The following PCDH7 variants were observed in gnomAD, a reference collection of about 807,000 sequenced individuals.
PCDH7 encodes the protein protocadherin-7.
Under a neutral mutation model 58.9 loss-of-function variants are expected in PCDH7, and 17 were observed. The observed-to-expected ratio is 0.29, with a 90% CI of 0.20 to 0.43. The LOEUF is 0.43. Among genes scored for constraint, PCDH7 ranks in the 20% least tolerant of loss-of-function variants. The probability of loss-of-function intolerance (pLI) is 1.00; values close to 1 mark genes in which losing one functional copy is unlikely to be tolerated. For missense variants in PCDH7, 1,274 were observed against 1,441.0 expected, an observed-to-expected ratio of 0.88 and a Z score of 1.88; for synonymous variants, 664 against 616.4, an observed-to-expected ratio of 1.08 and a Z score of -1.14.
intron 3 of PCDH7, among the ~76,000 whole-genome samples, chr4:30,963,956 C>T (rs1210577893): frequency 2.0e-5 from 3 of 152,168 alleles, no homozygotes; most frequent in Non-Finnish European, 2.9e-5. Flanking sequence ...TAAGCACAAA[C>T]ATATTATCTT....
At chr4:31,087,589 T>TG (rs1201518614) in intron 3 of PCDH7, among the ~76,000 whole-genome samples, 4 of 151,974 alleles carry the variant, frequency 2.6e-5, no homozygotes, top group Admixed American at 6.6e-5. Flanking sequence ...CATAGAATGG[T>TG]GGGCAGGAAC....
intron 1 of PCDH7, among the ~76,000 whole-genome samples, chr4:30,873,507 A>ATATACAAATTTAATTTGAGATCTG (rs1560456015): frequency 3.3e-5 from 5 of 152,094 alleles, no homozygotes; most frequent in Non-Finnish European, 7.4e-5. Context: ...TTTGAGATCT[A>ATATACAAATTTAATTTGAGATCTG]TATGTATTTC....
rs754470132 is a variant in PCDH7, at chr4:30,723,017, C to T, written c.1595C>T (p.Pro532Leu). The change falls in exon 1 of 2, where the codon CCG becomes CTG. Residue 532 changes from proline to leucine, a missense_variant. By Grantham distance (98) the Pro-to-Leu change is moderately conservative (BLOSUM62 -3). Coordinates refer to ENST00000361762, the Ensembl canonical transcript of PCDH7. This position sits in a 1 kb window ranked among gnomAD's most constrained non-coding sequence, Gnocchi z 4.6. ...AAGGTGGGAGACACCAACGACAACC[C>T]GCCCATGTTCGGCCAGTCGGTGGTG... 1.1e-5 allele frequency: 17 copies of T among 1,613,776 alleles called. No homozygotes were observed. The highest frequency in any genetic ancestry group is 6.7e-5 in the Admixed American group (4 of 60,010).
chr4:30,779,042 G>A lies in PCDH7; in HGVS notation c.70+54446G>A, dbSNP rs536397013. Among the ~76,000 whole-genome samples the A allele has an allele frequency of 5.7e-5, 7 of 122,992 alleles. No individual in the cohort carries two copies. The South Asian group carries it at 8.7e-4, about 15-fold the overall frequency. 80.7% of individuals were successfully genotyped at this position (122,992 alleles called of 152,430 possible). Reference sequence around the variant, plus strand: ...TTTTTTTTTTTTTTTAAATGGAGACGGAGTCTCACTCTGTGTCGTTCAGGC... The same window carrying A: ...TTTTTTTTTTTTTTTAAATGGAGACAGAGTCTCACTCTGTGTCGTTCAGGC... On this transcript the variant is annotated intron_variant, in intron 1 of 3. Coordinates refer to the PCDH7 transcript ENST00000509759.
Position 30,723,123 on chromosome 4 carries a change from C to T in PCDH7, c.1701C>T (p.Asn567=). 1.9e-6 allele frequency: 3 copies of T among 1,614,016 alleles called. No homozygotes were observed. The highest frequency in any genetic ancestry group is 1.1e-5 in the South Asian group (1 of 91,082). ...CGACAGACGCAGACAGCGGTAAGAA[C>T]GCCGAGATCGCCTACTCGCTGGACT... The change falls in exon 1 of 2, where the codon AAC becomes AAT. Residue 567 remains asparagine (N), a synonymous_variant. Coordinates refer to ENST00000361762, the Ensembl canonical transcript of PCDH7. This position sits in a 1 kb window ranked among gnomAD's most constrained non-coding sequence, Gnocchi z 4.6.
At chr4:30,972,591 A>T (rs1749687824) in intron 3 of PCDH7, among the ~76,000 whole-genome samples, 1 of 152,218 alleles carries the variant, frequency 6.6e-6, no homozygotes, top group Admixed American at 6.5e-5. Context: ...CAAGACTATT[A>T]TAATGCCCAA....
intron 1 of PCDH7, among the ~76,000 whole-genome samples, chr4:30,837,708 T>C (rs1023970175): frequency 6.6e-6 from 1 of 151,934 alleles, no homozygotes; most frequent in Non-Finnish European, 1.5e-5. Context: ...GAAAAGTCAA[T>C]GTTTTGTAAG....
intron 1 of PCDH7, among the ~76,000 whole-genome samples, chr4:30,754,261 C>A (rs2109261801): frequency 6.6e-6 from 1 of 151,660 alleles, no homozygotes; most frequent in African/African-American, 2.4e-5. Flanking sequence ...TAGAAAATGT[C>A]CTGAAAAAAG....
At chr4:31,142,180 A>G (rs1720342842) in intron 3 of PCDH7, among the ~76,000 whole-genome samples, 1 of 152,146 alleles carries the variant, frequency 6.6e-6, no homozygotes, top group South Asian at 2.1e-4. Context: ...AACTGAGACC[A>G]TCCTCATGTC....
Position 30,723,430 on chromosome 4 carries a change from C to G in PCDH7, c.2008C>G (p.Arg670Gly). The G allele has an allele frequency of 6.2e-7, 1 of 1,614,050 alleles. No individual in the cohort carries two copies. The change falls in exon 1 of 2, where the codon CGG (arginine) becomes GGG (glycine). Residue 670 changes from arginine (R) to glycine (G), a missense_variant. Transcript: ENST00000361762. This position sits in a 1 kb window ranked among gnomAD's most constrained non-coding sequence, Gnocchi z 4.6. ...CACCGTGATGGATGCTGACAAGGGG[C>G]GGAATGCAGAGATGAGCCTGTACAT...
At chr4:31,060,729 T>C (rs1757623583) in intron 3 of PCDH7, among the ~76,000 whole-genome samples, 3 of 151,768 alleles carry the variant, frequency 2.0e-5, no homozygotes, top group Admixed American at 2.0e-4. Flanking sequence ...TTTAAGTTAG[T>C]GATTTTTCAT....
chr4:30,814,948 A>G (rs1272147508), intron 1 of PCDH7, among the ~76,000 whole-genome samples: 1 of 152,044 alleles, frequency 6.6e-6, no homozygotes, highest in Non-Finnish European at 1.5e-5. Context: ...TGTAAAAAAC[A>G]GTGTAAGTCT....
At chr4:30,780,644 AATTAC>A (rs1381173724) in intron 1 of PCDH7, among the ~76,000 whole-genome samples, 1 of 152,244 alleles carries the variant, frequency 6.6e-6, no homozygotes, top group Non-Finnish European at 1.5e-5. Flanking sequence ...TTACATACTT[AATTAC>A]ATTAGCATTC....
intron 1 of PCDH7, among the ~76,000 whole-genome samples, chr4:30,770,390 G>T (rs750959191): frequency 6.6e-6 from 1 of 152,166 alleles, no homozygotes; most frequent in Non-Finnish European, 1.5e-5. Context: ...AATGGTTTAT[G>T]ACTTCCTGCT....
At chr4:31,077,069 G>A (rs1230699859) in intron 3 of PCDH7, among the ~76,000 whole-genome samples, 1 of 152,060 alleles carries the variant, frequency 6.6e-6, no homozygotes, top group African/African-American at 2.4e-5. Flanking sequence ...TATCATATAT[G>A]CATATATGTA....
At position 30,894,508 on chromosome 4, in the gene PCDH7, TATATATATAC is replaced by T. The variant is rs1193192448; in HGVS notation, c.71-25643_71-25634del. Among the ~76,000 whole-genome samples the T allele has an allele frequency of 6.5e-3, 321 of 49,112 alleles. 5 individuals are homozygous for T. The highest frequency in any genetic ancestry group is 0.033 in the African/African-American group (278 of 8,360). 32.2% of individuals were successfully genotyped at this position (49,112 alleles called of 152,430 possible). On this transcript the variant is annotated intron_variant, in intron 1 of 3. Coordinates refer to the PCDH7 transcript ENST00000509759. ...AAAAAAAAATATATATATATATATA[TATATATATAC>T]ACACACACACACACACACACACACA...
At chr4:30,818,200 A>G (rs557055211) in intron 1 of PCDH7, among the ~76,000 whole-genome samples, 43 of 152,246 alleles carry the variant, frequency 2.8e-4, no homozygotes, top group African/African-American at 1.0e-3. Flanking sequence ...TCTATACCCC[A>G]AACCCGATTC....
chr4:30,821,140 G>T (rs1412662576), intron 1 of PCDH7, among the ~76,000 whole-genome samples: 1 of 152,120 alleles, frequency 6.6e-6, no homozygotes, highest in Non-Finnish European at 1.5e-5. Context: ...GAGGCTTTGG[G>T]AGGTTAAGTC....
intron 3 of PCDH7, among the ~76,000 whole-genome samples, chr4:30,969,410 C>T (rs7660483): frequency 0.61 from 93,097 of 151,826 alleles, 29,755 homozygotes; most frequent in African/African-American, 0.81. Flanking sequence ...TTTTGTGAAC[C>T]TTTTAGGAGC....
Sources: gnomAD v4.1 joint callset for allele counts (sites outside exome capture counted in the v4.1 genomes callset) on GRCh38, gnomAD v4.1.1 for gene constraint, Gnocchi (gnomAD v3.1) non-coding constraint, MANE v1.5 for transcripts, NCBI Gene and HGNC (gene_info 2026-07-23, HGNC 2026-07-21) for gene names.